Variants in KIRREL3 observed in about 807,000 individuals in gnomAD.
The protein encoded by KIRREL3 is kirre like nephrin family adhesion molecule 3.
Under a neutral mutation model 89.7 loss-of-function variants are expected in KIRREL3, and 36 were observed. The observed-to-expected ratio is 0.40, with a 90% CI of 0.31 to 0.53. KIRREL3 has a LOEUF of 0.53. Ranked by LOEUF, KIRREL3 falls within the 20% of genes least tolerant of loss-of-function variation. The pLI, the probability that KIRREL3 is intolerant of heterozygous loss-of-function variation, is 0.49. For missense variants in KIRREL3, 864 were observed against 1,056.6 expected, an observed-to-expected ratio of 0.82 and a Z score of 2.53; for synonymous variants, 445 against 441.4, an observed-to-expected ratio of 1.01 and a Z score of -0.10.
At chr11:126,828,434 C>T (rs766964524) in intron 1 of KIRREL3, among the ~76,000 whole-genome samples, 23 of 152,182 alleles carry the variant, frequency 1.5e-4, no homozygotes, top group Non-Finnish European at 3.1e-4. Flanking sequence ...TTGGAAGTCA[C>T]TGAATAAGGG....
chr11:126,451,572 A>ATG (rs35894823), intron 7 of KIRREL3, among the ~76,000 whole-genome samples: 67,489 of 136,078 alleles, frequency 0.5, 16,209 homozygotes, highest in East Asian at 0.64. Context: ...GATCATGTGC[A>ATG]TGTGTGTGTG....
intron 4 of KIRREL3, among the ~76,000 whole-genome samples, chr11:126,517,871 C>T (rs1958467603): frequency 6.6e-6 from 1 of 152,200 alleles, no homozygotes; most frequent in African/African-American, 2.4e-5. Context: ...ACTGGTAAAA[C>T]CAAGACCACT....
Position 126,774,597 on chromosome 11 carries a change from CCTGCACGCT to C in KIRREL3, c.56-211694_56-211686del, listed in dbSNP as rs1950116687. Among the ~76,000 whole-genome samples the C allele has an allele frequency of 2.6e-5, 4 of 152,158 alleles. No individual in the cohort carries two copies. In the South Asian group the frequency reaches 8.3e-4, roughly 32 times the overall value. ...ACGGTGGGGCTGAGCGTGGGTTTGGCCTGCACGCTCTGCACCCAAACGCTGCATTTACAT... is the reference window on the plus strand; with the variant it reads ...ACGGTGGGGCTGAGCGTGGGTTTGGCCTGCACCCAAACGCTGCATTTACAT... On this transcript the variant is annotated intron_variant, in intron 1 of 16. Transcript: ENST00000525144.
At chr11:126,794,856 CA>C (rs1286216103) in intron 1 of KIRREL3, among the ~76,000 whole-genome samples, 1 of 152,206 alleles carries the variant, frequency 6.6e-6, no homozygotes, top group Non-Finnish European at 1.5e-5. Context: ...AGATGTCCCT[CA>C]CTGGGTGAAT....
rs1421017714 is a variant in KIRREL3, at chr11:126,684,335, C to A, written c.56-121423G>T. On this transcript the variant is annotated intron_variant, in intron 1 of 16. Transcript: ENST00000525144. The surrounding 1 kb of genome is among the most constrained non-coding windows in gnomAD (Gnocchi z 4.2). ...CTTTCAACATTGCTGATATTTTGAACAGCAGAATCCTTATCACAAAGCCAA... is the reference window on the plus strand; with the variant it reads ...CTTTCAACATTGCTGATATTTTGAAAAGCAGAATCCTTATCACAAAGCCAA... Among the ~76,000 whole-genome samples, 2 of 152,224 alleles carry A rather than the reference C, an allele frequency of 1.3e-5. No homozygotes were observed. Among genetic ancestry groups the A allele is most frequent in the African/African-American group, 4.8e-5 (2 of 41,456 alleles).
rs1358314815 is a variant in KIRREL3 at position 126,652,909 on chromosome 11, C to G, written c.56-89997G>C. 6.6e-6 allele frequency: 1 copy of G among 152,114 alleles called. No individual in the cohort carries two copies. The highest frequency in any genetic ancestry group is 1.5e-5 in the Non-Finnish European group (1 of 68,026). The allele number at this position is 152,114 out of a possible 1,614,324, so 9.4% of individuals were successfully genotyped here. A position where few individuals can be genotyped will look rare whatever the true frequency, so the allele number is the denominator to read the frequency against. The stretch of plus-strand genomic sequence containing the variant: ...AGAAAAAGCCCTACAAGGATTAATG[C>G]AAGAAGAAGTTCTGCTTTGGGTGAG... On this transcript the variant is annotated intron_variant, in intron 1 of 16. Transcript: ENST00000525144. The surrounding 1 kb of genome is among the most constrained non-coding windows in gnomAD (Gnocchi z 4.9).
chr11:126,564,533 C>A lies in KIRREL3; in HGVS notation c.56-1621G>T, dbSNP rs1940370747. ...TGAGGGCACTGTTTCCAAAGGCACT[C>A]ACTTCTCTTCCTTCCCCTCCACACT... On this transcript the variant is annotated intron_variant, in intron 1 of 16. Transcript: ENST00000525144. This position sits in a 1 kb window ranked among gnomAD's most constrained non-coding sequence, Gnocchi z 7.4. Among the ~76,000 whole-genome samples, 2 of 152,196 alleles carry A rather than the reference C, an allele frequency of 1.3e-5. No individual in the cohort carries two copies. The highest frequency in any genetic ancestry group is 4.8e-5 in the African/African-American group (2 of 41,444).
chr11:126,425,836 C>T (rs995561418), intron 15 of KIRREL3, 112 bp from the exon 16 acceptor site: 6 of 765,196 alleles, frequency 7.8e-6, no homozygotes, highest in Non-Finnish European at 1.3e-5. Flanking sequence ...ACCCCCACCA[C>T]CCCTCACTGC....
At chr11:126,577,788 G>T (rs776913959) in intron 1 of KIRREL3, among the ~76,000 whole-genome samples, 1 of 151,504 alleles carries the variant, frequency 6.6e-6, no homozygotes, top group Non-Finnish European at 1.5e-5. Flanking sequence ...GACACTAACC[G>T]TCCTTTCTCT....
rs1687937099 is a variant in KIRREL3, at chr11:126,424,376, C to A, written c.*204G>T. 1.8e-5 allele frequency: 8 copies of A among 446,436 alleles called. No homozygotes were observed. The highest frequency in any genetic ancestry group is 4.5e-5 in the East Asian group (1 of 22,314). The allele number at this position is 446,436 out of a possible 1,614,324, so 27.7% of individuals were successfully genotyped here. On this transcript the variant is annotated 3_prime_UTR_variant, in exon 17 of 17. Coordinates refer to ENST00000525144, the MANE Select transcript of KIRREL3 (RefSeq NM_032531.4). ...GCCGCAGCCTCTGTCTGTCTCCCCA[C>A]CCGCCCACCTCTGGCACACAGCACC...
At chr11:126,980,580 A>T (rs1164443809) in intron 1 of KIRREL3, among the ~76,000 whole-genome samples, 1 of 152,182 alleles carries the variant, frequency 6.6e-6, no homozygotes, top group African/African-American at 2.4e-5. Flanking sequence ...AGTTTTGGAG[A>T]ACATGAGTAG....
chr11:126,863,402 CGTGA>C (rs1944775372), intron 1 of KIRREL3, among the ~76,000 whole-genome samples: 1 of 118,410 alleles, frequency 8.4e-6, no homozygotes, highest in African/African-American at 2.9e-5. Flanking sequence ...TGTGTGAGTG[CGTGA>C]GTGCGTGTGT....
At chr11:126,770,682 G>A (rs1390328426) in intron 1 of KIRREL3, among the ~76,000 whole-genome samples, 1 of 152,070 alleles carries the variant, frequency 6.6e-6, no homozygotes, top group Non-Finnish European at 1.5e-5. Context: ...GTGACCCTCA[G>A]ACCTCATCCT....
At chr11:126,829,024 C>T (rs762782281) in intron 1 of KIRREL3, among the ~76,000 whole-genome samples, 3 of 152,148 alleles carry the variant, frequency 2.0e-5, no homozygotes, top group African/African-American at 7.2e-5. Flanking sequence ...CAAATTTGTC[C>T]CTGAAGGACA....
intron 4 of KIRREL3, among the ~76,000 whole-genome samples, chr11:126,487,967 A>G (rs1477547181): frequency 2.0e-5 from 3 of 152,244 alleles, no homozygotes; most frequent in African/African-American, 7.2e-5. Flanking sequence ...CAGAAGGCGG[A>G]GGTGGAGGGA....
Position 126,587,323 on chromosome 11 carries a change from G to T in KIRREL3, c.56-24411C>A, listed in dbSNP as rs556909896. 6.6e-6 allele frequency among the ~76,000 whole-genome samples: 1 copy of T among 152,160 alleles called. No homozygotes were observed. The highest frequency in any genetic ancestry group is 6.5e-5 in the Admixed American group (1 of 15,288). ...GGTCAGAAAGAACACACTCTGCTCCGGTGATGGCATGTTTGGTCTGGCCTG... is the reference window on the plus strand; with the variant it reads ...GGTCAGAAAGAACACACTCTGCTCCTGTGATGGCATGTTTGGTCTGGCCTG... On this transcript the variant is annotated intron_variant, in intron 1 of 16. Transcript: ENST00000525144. The surrounding 1 kb of genome is among the most constrained non-coding windows in gnomAD (Gnocchi z 5.2).
chr11:126,735,902 T>C (rs896258607), intron 1 of KIRREL3, among the ~76,000 whole-genome samples: 1 of 152,172 alleles, frequency 6.6e-6, no homozygotes, highest in Non-Finnish European at 1.5e-5. Context: ...ATACTGAAGG[T>C]ACAAAATAAA....
rs546254875 is a variant in KIRREL3, at chr11:126,572,047, G to T, written c.56-9135C>A. 4.6e-4 allele frequency among the ~76,000 whole-genome samples: 70 copies of T among 152,296 alleles called. 1 individual carries two copies. The South Asian group carries it at 5.6e-3, about 12-fold the overall frequency. Reference sequence around the variant, plus strand: ...AAGTCGTGACTAGTGTTTGAATGGGGCCAGATGCTCGACAGCTATGTGTCC... The same window carrying T: ...AAGTCGTGACTAGTGTTTGAATGGGTCCAGATGCTCGACAGCTATGTGTCC... On this transcript the variant is annotated intron_variant, in intron 1 of 16. Coordinates refer to ENST00000525144, the MANE Select transcript of KIRREL3 (RefSeq NM_032531.4).
rs1320114614 is a variant in KIRREL3 at position 126,977,074 on chromosome 11, C to T, written c.55+23381G>A. ...AGGACTGCCCTTTTTATTCTTCTTC[C>T]TTCTTGAAACCTAAAAAAATCTCTC... On this transcript the variant is annotated intron_variant, in intron 1 of 16. Transcript: ENST00000525144. The surrounding 1 kb of genome is among the most constrained non-coding windows in gnomAD (Gnocchi z 4.7). Among the ~76,000 whole-genome samples, 1 of 152,082 alleles carries T rather than the reference C, an allele frequency of 6.6e-6. No individual in the cohort carries two copies. The highest frequency in any genetic ancestry group is 1.5e-5 in the Non-Finnish European group (1 of 67,996).
Sources: allele counts gnomAD v4.1 joint callset (sites outside exome capture counted in the v4.1 genomes callset), GRCh38; gene constraint gnomAD v4.1.1; non-coding constraint Gnocchi (gnomAD v3.1); transcripts MANE v1.5; gene names NCBI Gene and HGNC (gene_info 2026-07-23, HGNC 2026-07-21).